The following CPED1 variants were observed in gnomAD, a reference collection of about 807,000 sequenced individuals.
CPED1 encodes cadherin-like and PC-esterase domain-containing protein 1.
In CPED1, 114 loss-of-function variants were observed where a neutral mutation model predicts 128.2. That is an observed-to-expected ratio of 0.89 (90% CI 0.76 to 1.04). CPED1 has a LOEUF of 1.04. CPED1 is among the 50% of genes least tolerant of loss of function. CPED1 has a pLI of 0.00. For synonymous variants in CPED1, 462 were observed against 426.7 expected, an observed-to-expected ratio of 1.08 and a Z score of -1.02; for missense variants, 1,211 against 1,207.1, an observed-to-expected ratio of 1.00 and a Z score of -0.05.
intron 5 of CPED1, among the ~76,000 whole-genome samples, chr7:121,065,768 A>G (rs1021747100): frequency 3.3e-5 from 5 of 152,088 alleles, no homozygotes; most frequent in Admixed American, 2.6e-4. Flanking sequence ...TTTATTCTCG[A>G]GAACATCTAA....
At chr7:121,045,156 A>G (rs965294932) in intron 3 of CPED1, among the ~76,000 whole-genome samples, 8 of 152,162 alleles carry the variant, frequency 5.3e-5, no homozygotes, top group African/African-American at 1.9e-4. Flanking sequence ...TTTTCTTGAA[A>G]GTGAGAGTGT....
rs1385086911 is a variant in CPED1 at position 121,124,414 on chromosome 7, A to G, written c.1002A>G (p.Leu334=). 6 of 1,608,772 alleles carry G rather than the reference A, an allele frequency of 3.7e-6. No homozygotes were observed. Among genetic ancestry groups the G allele is most frequent in the Non-Finnish European group, 5.1e-6 (6 of 1,176,734 alleles). ...TTATGAAGGAAGCAATTGGCAAACT[A>G]CTGCTAGCGGCTGAAGTATTCAGTG... is the stretch of plus-strand genomic sequence containing the variant. ...FDIMKEAIGK[L]LLAAEVFSET... is the part of the protein sequence containing the mutation. Residue 334 remains leucine (L), a synonymous_variant, in exon 8 of 23, where the codon CTA becomes CTG. Coordinates refer to ENST00000310396, the MANE Select transcript of CPED1 (RefSeq NM_024913.5).
intron 2 of CPED1, among the ~76,000 whole-genome samples, chr7:120,996,935 C>T (rs1329477893): frequency 6.6e-6 from 1 of 152,174 alleles, no homozygotes; most frequent in African/African-American, 2.4e-5. Flanking sequence ...TGAGTAGAAA[C>T]CACACTGATC....
intron 16 of CPED1, among the ~76,000 whole-genome samples, chr7:121,231,176 T>C (rs537064745): frequency 6.6e-6 from 1 of 152,144 alleles, no homozygotes; most frequent in African/African-American, 2.4e-5. Flanking sequence ...TGGTATTTGG[T>C]AATAAGGAGT....
At chr7:121,006,180 CTTG>C (rs1249566441) in intron 2 of CPED1, among the ~76,000 whole-genome samples, 4 of 152,130 alleles carry the variant, frequency 2.6e-5, no homozygotes, top group Admixed American at 2.6e-4. Flanking sequence ...GCTGAATTAA[CTTG>C]TTGTTTTGGC....
intron 17 of CPED1, among the ~76,000 whole-genome samples, chr7:121,241,787 A>G (rs1330481061): frequency 6.6e-6 from 1 of 152,170 alleles, no homozygotes; most frequent in Non-Finnish European, 1.5e-5. Flanking sequence ...AAATACATAA[A>G]ATATATATGT....
At chr7:121,277,541 C>T (rs886597249) in intron 22 of CPED1, among the ~76,000 whole-genome samples, 5 of 152,174 alleles carry the variant, frequency 3.3e-5, no homozygotes, top group Admixed American at 1.3e-4. Flanking sequence ...CAGGTGGTGA[C>T]GGCTGCATTG....
At chr7:121,252,845 C>G (rs1206360941) in intron 18 of CPED1, among the ~76,000 whole-genome samples, 3 of 152,152 alleles carry the variant, frequency 2.0e-5, no homozygotes, top group Non-Finnish European at 4.4e-5. Context: ...GAAATAGGAA[C>G]ACTTTTACAC....
intron 16 of CPED1, among the ~76,000 whole-genome samples, chr7:121,187,895 T>A (rs1797040209): frequency 6.6e-6 from 1 of 152,136 alleles, no homozygotes; most frequent in Non-Finnish European, 1.5e-5. Context: ...CTAGACATTA[T>A]GTGCCTCTTG....
intron 22 of CPED1, among the ~76,000 whole-genome samples, chr7:121,283,291 A>G (rs1321651938): frequency 2.0e-5 from 3 of 152,206 alleles, no homozygotes; most frequent in African/African-American, 2.4e-5. Context: ...TTAATCTGCA[A>G]TGTGAATTTT....
chr7:121,008,087 C>A (rs1367469151), intron 2 of CPED1, among the ~76,000 whole-genome samples: 1 of 151,984 alleles, frequency 6.6e-6, no homozygotes, highest in Non-Finnish European at 1.5e-5. Flanking sequence ...AAAAGTCTCG[C>A]CTTCTGAAAT....
intron 17 of CPED1, among the ~76,000 whole-genome samples, chr7:121,238,307 C>G (rs11771945): frequency 0.29 from 44,710 of 151,982 alleles, 6,999 homozygotes; most frequent in Middle Eastern, 0.43. Flanking sequence ...TTTGAAGCCT[C>G]CATAATCTGG....
intron 16 of CPED1, among the ~76,000 whole-genome samples, chr7:121,157,941 T>A (rs1796327868): frequency 6.6e-6 from 1 of 152,210 alleles, no homozygotes; most frequent in Non-Finnish European, 1.5e-5. Flanking sequence ...AGCTCTTCTA[T>A]ACCCTTACTG....
At chr7:121,138,634 A>G (rs1335654147) in intron 14 of CPED1, among the ~76,000 whole-genome samples, 3 of 152,096 alleles carry the variant, frequency 2.0e-5, no homozygotes, top group Non-Finnish European at 1.5e-5. Context: ...CTATTAAGTG[A>G]AAGTATAAAC....
intron 2 of CPED1, among the ~76,000 whole-genome samples, chr7:121,002,596 G>A (rs989220992): frequency 6.6e-6 from 1 of 152,186 alleles, no homozygotes; most frequent in African/African-American, 2.4e-5. Flanking sequence ...AGATAGGTTT[G>A]AGGCAGAGTT....
chr7:121,214,967 T>G (rs1267162012), intron 16 of CPED1, among the ~76,000 whole-genome samples: 3 of 152,038 alleles, frequency 2.0e-5, no homozygotes, highest in African/African-American at 7.2e-5. Flanking sequence ...ATGGGATACA[T>G]TTTTTGCAGC....
intron 18 of CPED1, among the ~76,000 whole-genome samples, chr7:121,247,830 C>T (rs80269007): frequency 0.041 from 6,234 of 152,228 alleles, 411 homozygotes; most frequent in African/African-American, 0.14. Flanking sequence ...CCCCAAGTTT[C>T]CCTATCTCCC....
intron 16 of CPED1, among the ~76,000 whole-genome samples, chr7:121,171,412 T>C (rs1370046019): frequency 6.6e-6 from 1 of 152,196 alleles, no homozygotes; most frequent in Middle Eastern, 3.2e-3. Flanking sequence ...TAGTAAATTT[T>C]CCCTGATTAA....
At chr7:121,090,373 A>G (rs543649272) in intron 5 of CPED1, among the ~76,000 whole-genome samples, 3 of 152,308 alleles carry the variant, frequency 2.0e-5, no homozygotes, top group Admixed American at 6.5e-5. Context: ...TGCCAAGAGT[A>G]CTGTCTAGAA....
Sources: allele counts gnomAD v4.1 joint callset (sites outside exome capture counted in the v4.1 genomes callset), GRCh38; gene constraint gnomAD v4.1.1; transcripts MANE v1.5; gene names NCBI Gene and HGNC (gene_info 2026-07-23, HGNC 2026-07-21).